STIM1: variants seen among roughly 807,000 people sequenced by gnomAD.
STIM1 encodes the protein stromal interaction molecule 1.
Under a neutral mutation model 74.7 loss-of-function variants are expected in STIM1, and 25 were observed. The observed-to-expected ratio is 0.33, with a 90% confidence interval of 0.24 to 0.47. STIM1 has a LOEUF of 0.47. Ranked by LOEUF, STIM1 falls within the 20% of genes least tolerant of loss-of-function variation. The pLI, the probability that STIM1 is intolerant of heterozygous loss-of-function variation, is 1.00. For synonymous variants in STIM1, 328 were observed against 348.8 expected (o/e 0.94, Z 0.66); for missense variants, 728 against 920.8 (o/e 0.79, Z 2.71).
At chr11:3,988,730 G>A (rs1220322424) in intron 2 of STIM1, among the ~76,000 whole-genome samples, 1 of 152,142 alleles carries the variant, frequency 6.6e-6, no homozygotes, top group African/African-American at 2.4e-5. Context: ...TCAAGGACTG[G>A]TTTTCTTTAG....
intron 2 of STIM1, among the ~76,000 whole-genome samples, chr11:3,982,878 T>C (rs2093520113): frequency 6.6e-6 from 1 of 152,186 alleles, no homozygotes; most frequent in Non-Finnish European, 1.5e-5. Context: ...ATAACAATCC[T>C]TAGGGCCCTG....
intron 3 of STIM1, among the ~76,000 whole-genome samples, chr11:4,032,447 A>G (rs2094058894): frequency 6.6e-6 from 1 of 152,196 alleles, no homozygotes; most frequent in South Asian, 2.1e-4. Context: ...CCATAGAATT[A>G]TAATAATTCT....
chr11:4,035,645 T>G (rs2094093489), intron 3 of STIM1, among the ~76,000 whole-genome samples: 1 of 152,144 alleles, frequency 6.6e-6, no homozygotes, highest in East Asian at 1.9e-4. Flanking sequence ...TTTTTTAGAC[T>G]TTTTTAGTTA....
At position 4,004,743 on chromosome 11, in the gene STIM1, A is replaced by C. The variant is rs559011121; in HGVS notation, c.271-19130A>C. On this transcript the variant is annotated intron_variant, in intron 2 of 12. Transcript: ENST00000526596. ...AAGCCAAAATTGACAAATGGGATCT[A>C]ATTAAACTAAAGAGCTTCTGCACAG... 1.2e-3 allele frequency among the ~76,000 whole-genome samples: 183 copies of C among 152,082 alleles called. 1 individual carries two copies. Among genetic ancestry groups the C allele is most frequent in the African/African-American group, 4.2e-3 (175 of 41,510 alleles).
intron 2 of STIM1, among the ~76,000 whole-genome samples, chr11:3,984,969 C>T (rs970529297): frequency 6.6e-6 from 1 of 152,130 alleles, no homozygotes; most frequent in Admixed American, 6.6e-5. Flanking sequence ...ACTGGTGTAG[C>T]AGAAGCCATA....
chr11:4,075,451 A>G (rs2094432402), intron 7 of STIM1, among the ~76,000 whole-genome samples: 1 of 152,342 alleles, frequency 6.6e-6, no homozygotes, highest in South Asian at 2.1e-4. Flanking sequence ...AGTTTTGTCT[A>G]ATTTTGAACT....
At chr11:3,893,270 A>T (rs1016182053) in intron 1 of STIM1, among the ~76,000 whole-genome samples, 1 of 152,204 alleles carries the variant, frequency 6.6e-6, no homozygotes, top group Non-Finnish European at 1.5e-5. Context: ...GCATAGATGG[A>T]CAGGGATGCT....
At chr11:3,979,149 G>A (rs1164585923) in intron 2 of STIM1, among the ~76,000 whole-genome samples, 1 of 152,126 alleles carries the variant, frequency 6.6e-6, no homozygotes, top group Non-Finnish European at 1.5e-5. Flanking sequence ...ATTAGATGAA[G>A]ATTAAGTAGC....
At chr11:3,880,899 T>C (rs1466462062) in intron 1 of STIM1, among the ~76,000 whole-genome samples, 2 of 152,136 alleles carry the variant, frequency 1.3e-5, no homozygotes, top group African/African-American at 4.8e-5. Flanking sequence ...CTAGGGACTT[T>C]AGACTGCCTG....
intron 2 of STIM1, among the ~76,000 whole-genome samples, chr11:3,987,537 C>A (rs1219152794): frequency 6.6e-6 from 1 of 152,174 alleles, no homozygotes; most frequent in Non-Finnish European, 1.5e-5. Context: ...CTTTCCTCTG[C>A]ATAGAACAGT....
intron 1 of STIM1, among the ~76,000 whole-genome samples, chr11:3,862,567 G>A (rs940820386): frequency 1.3e-5 from 2 of 152,124 alleles, no homozygotes; most frequent in South Asian, 2.1e-4. Flanking sequence ...CAGAATGACC[G>A]AGCAGGTTCC....
At chr11:4,062,426 C>T (rs924956298) in intron 5 of STIM1, among the ~76,000 whole-genome samples, 2 of 152,182 alleles carry the variant, frequency 1.3e-5, no homozygotes, top group African/African-American at 2.4e-5. Context: ...TTGAGAACAG[C>T]CTGGCCAACA....
intron 1 of STIM1, among the ~76,000 whole-genome samples, chr11:3,878,128 T>C (rs775621727): frequency 6.6e-6 from 1 of 152,148 alleles, no homozygotes; most frequent in African/African-American, 2.4e-5. Flanking sequence ...CCTGGCTGTG[T>C]CCTCATTGCC....
At chr11:3,870,705 C>T (rs986201439) in intron 1 of STIM1, among the ~76,000 whole-genome samples, 2 of 151,886 alleles carry the variant, frequency 1.3e-5, no homozygotes, top group Non-Finnish European at 2.9e-5. Flanking sequence ...ACCATGTTGC[C>T]CAGGCTGGTC....
intron 3 of STIM1, among the ~76,000 whole-genome samples, chr11:4,052,294 A>G (rs2094249402): frequency 6.6e-6 from 1 of 152,066 alleles, no homozygotes; most frequent in East Asian, 1.9e-4. Context: ...AGCCTAAGCC[A>G]AAAGAACAAA....
intron 8 of STIM1, 30 bp downstream of exon 8, chr11:4,082,381 T>C (rs1205938447): frequency 6.3e-7 from 1 of 1,585,096 alleles, no homozygotes; most frequent in Non-Finnish European, 8.6e-7. Flanking sequence ...TGTCCTCTTT[T>C]CTCCTTTTTG....
chr11:3,946,121 C>T (rs1353641733), intron 1 of STIM1, among the ~76,000 whole-genome samples: 1 of 152,164 alleles, frequency 6.6e-6, no homozygotes, highest in Non-Finnish European at 1.5e-5. Context: ...CCAACTATAT[C>T]AATGGGGTTG....
chr11:3,906,072 C>G (rs775345466), intron 1 of STIM1, among the ~76,000 whole-genome samples: 56 of 152,216 alleles, frequency 3.7e-4, no homozygotes, highest in Non-Finnish European at 4.4e-4. Flanking sequence ...CCCTGAGGCC[C>G]TAGCTGCTGT....
intron 1 of STIM1, among the ~76,000 whole-genome samples, chr11:3,894,947 C>A (rs1012708053): frequency 7.4e-6 from 1 of 135,176 alleles, no homozygotes; most frequent in African/African-American, 3.0e-5. Context: ...CAGGGTTTTG[C>A]CATGTTGGCC....
Sources: gnomAD v4.1 joint callset for allele counts (sites outside exome capture counted in the v4.1 genomes callset) on GRCh38, gnomAD v4.1.1 for gene constraint, MANE v1.5 for transcripts, NCBI Gene and HGNC (gene_info 2026-07-23, HGNC 2026-07-21) for gene names.